PHLDB2: variants seen among roughly 807,000 people sequenced by gnomAD.
PHLDB2 encodes pleckstrin homology-like domain family B member 2.
A neutral mutation model predicts 123.6 loss-of-function variants in PHLDB2; 71 were observed. The observed-to-expected ratio is 0.57, with a 90% CI of 0.47 to 0.70. The LOEUF is 0.70. PHLDB2 is among the 30% of genes least tolerant of loss of function. The probability of loss-of-function intolerance (pLI) is 0.00; values close to 1 mark genes in which losing one functional copy is unlikely to be tolerated. For missense variants in PHLDB2, 1,446 were observed against 1,519.5 expected (o/e 0.95, Z 0.80); for synonymous variants, 547 against 541.6 (o/e 1.01, Z -0.14).
At position 111,884,132 on chromosome 3, in the gene PHLDB2, G is replaced by A. The variant is rs565987391; in HGVS notation, c.55G>A (p.Glu19Lys). ...KELDLQNGSL[E>K]EDSVVHSVEN... ...GCTAGATTTACAAAATGGTAGCTTAGAGGAAGACTCTGTGGTGCATTCTGT... is the reference window on the plus strand; with the variant it reads ...GCTAGATTTACAAAATGGTAGCTTAAAGGAAGACTCTGTGGTGCATTCTGT... Residue 19 changes from glutamate to lysine, a missense_variant, in exon 2 of 18, where the codon GAG (glutamate) becomes AAG (lysine). By Grantham distance (56) the Glu-to-Lys change is moderately conservative. Coordinates refer to ENST00000431670, the MANE Select transcript of PHLDB2 (RefSeq NM_001134438.2). The A allele has an allele frequency of 1.9e-6, 3 of 1,614,138 alleles. No homozygotes were observed. The highest frequency in any genetic ancestry group is 2.5e-6 in the Non-Finnish European group (3 of 1,179,972).
At chr3:111,733,854 G>C (rs952187749) in intron 1 of PHLDB2, among the ~76,000 whole-genome samples, 5 of 152,172 alleles carry the variant, frequency 3.3e-5, no homozygotes, top group Non-Finnish European at 7.3e-5. Context: ...CTGTGCAGTG[G>C]TTCCTGGCTC....
chr3:111,847,394 G>A (rs2064044034), intron 2 of PHLDB2, among the ~76,000 whole-genome samples: 1 of 151,936 alleles, frequency 6.6e-6, no homozygotes, highest in Non-Finnish European at 1.5e-5. Context: ...GAGATTAGGG[G>A]AAAAAAAGAC....
intron 12 of PHLDB2, among the ~76,000 whole-genome samples, chr3:111,960,466 A>G (rs1205161097): frequency 7.9e-5 from 12 of 152,252 alleles, no homozygotes; most frequent in Non-Finnish European, 1.6e-4. Flanking sequence ...TCACTTAAAT[A>G]TCTAAAACCA....
At chr3:111,762,494 C>T (rs1049781878) in intron 1 of PHLDB2, among the ~76,000 whole-genome samples, 6 of 152,290 alleles carry the variant, frequency 3.9e-5, no homozygotes, top group East Asian at 3.9e-4. Context: ...TCCTAGGGAG[C>T]GCTCTGAAGT....
chr3:111,762,359 ATAT>A (rs553086572), intron 1 of PHLDB2, among the ~76,000 whole-genome samples: 48 of 123,296 alleles, frequency 3.9e-4, no homozygotes, highest in East Asian at 2.3e-3. Context: ...TAGCATTACC[ATAT>A]TATTATTATA....
intron 1 of PHLDB2, among the ~76,000 whole-genome samples, chr3:111,795,347 G>A (rs1182509796): frequency 2.0e-5 from 3 of 152,034 alleles, no homozygotes; most frequent in East Asian, 1.9e-4. Flanking sequence ...AATTTCAGTC[G>A]TCACCAAAGT....
intron 5 of PHLDB2, among the ~76,000 whole-genome samples, chr3:111,930,078 ATT>A (rs757234108): frequency 2.1e-5 from 3 of 140,730 alleles, no homozygotes; most frequent in African/African-American, 2.6e-5. Context: ...TGCCCAGCTA[ATT>A]TTTTTTTTTT....
At chr3:111,802,622 T>C (rs1030416164) in intron 1 of PHLDB2, among the ~76,000 whole-genome samples, 1 of 152,196 alleles carries the variant, frequency 6.6e-6, no homozygotes, top group Non-Finnish European at 1.5e-5. Context: ...ATTTAGCAAA[T>C]AGTAAAATAA....
intron 1 of PHLDB2, among the ~76,000 whole-genome samples, chr3:111,750,860 C>T (rs1404146543): frequency 6.6e-6 from 1 of 151,098 alleles, no homozygotes; most frequent in Non-Finnish European, 1.5e-5. Context: ...GCATGAGAAT[C>T]ACTTGAACCT....
At chr3:111,752,508 T>A (rs1359388197) in intron 1 of PHLDB2, among the ~76,000 whole-genome samples, 1 of 151,984 alleles carries the variant, frequency 6.6e-6, no homozygotes, top group Non-Finnish European at 1.5e-5. Context: ...TTTCATTCGC[T>A]TATTTTCTAA....
At chr3:111,852,208 A>G (rs2064285404) in intron 2 of PHLDB2, among the ~76,000 whole-genome samples, 1 of 151,438 alleles carries the variant, frequency 6.6e-6, no homozygotes, top group African/African-American at 2.4e-5. Flanking sequence ...AAGTCTGTGT[A>G]TATCTGACAC....
intron 16 of PHLDB2, among the ~76,000 whole-genome samples, chr3:111,972,181 C>A (rs1170746225): frequency 6.6e-6 from 1 of 152,112 alleles, no homozygotes; most frequent in Non-Finnish European, 1.5e-5. Flanking sequence ...ATTGTATTCT[C>A]ATGAATTACT....
In PHLDB2 at chr3:111,914,867, T is replaced by TTTTTTC. The variant is rs977699291; in HGVS notation, c.1719+1177_1719+1182dup. 1.1e-4 allele frequency: 17 copies of TTTTTTC among 152,242 alleles called. No homozygotes were observed. The East Asian group carries it at 3.1e-3, about 28-fold the overall frequency. The allele number at this position is 152,242 out of a possible 1,614,324, so 9.4% of individuals were successfully genotyped here. ...GTTTAAGGAAAAATCTTTTAAATTT[T>TTTTTTC]TTTTTCTTTTTCTTTTTGTACAGGA... On this transcript the variant is annotated intron_variant, in intron 3 of 17. Coordinates refer to ENST00000431670, the MANE Select transcript of PHLDB2 (RefSeq NM_001134438.2).
At chr3:111,935,540 T>TAGATAGATAGAA (rs1180164796) in intron 6 of PHLDB2, among the ~76,000 whole-genome samples, 1 of 148,698 alleles carries the variant, frequency 6.7e-6, no homozygotes, top group East Asian at 1.9e-4. Context: ...GATAGATAGA[T>TAGATAGATAGAA]AGAAGGGGAG....
chr3:111,751,501 T>C (rs1477343186), intron 1 of PHLDB2, among the ~76,000 whole-genome samples: 2 of 151,966 alleles, frequency 1.3e-5, no homozygotes, highest in Non-Finnish European at 2.9e-5. Context: ...CAGAGTCAAA[T>C]CCCTCAGTGC....
intron 1 of PHLDB2, among the ~76,000 whole-genome samples, chr3:111,817,491 C>A (rs1034244948): frequency 6.6e-6 from 1 of 152,190 alleles, no homozygotes; most frequent in African/African-American, 2.4e-5. Context: ...AGAAGAAAAT[C>A]ATTAGAAAGG....
intron 1 of PHLDB2, among the ~76,000 whole-genome samples, chr3:111,756,026 A>T (rs950621684): frequency 6.6e-6 from 1 of 151,996 alleles, no homozygotes; most frequent in African/African-American, 2.4e-5. Flanking sequence ...ACAGTTTGTT[A>T]TAATTTCTGT....
At chr3:111,888,530 C>A (rs902353272) in intron 2 of PHLDB2, among the ~76,000 whole-genome samples, 2 of 152,092 alleles carry the variant, frequency 1.3e-5, no homozygotes, top group Admixed American at 1.3e-4. Flanking sequence ...AAGCTCAAAT[C>A]ATTCAAAAAT....
At chr3:111,951,748 G>C (rs571301829) in intron 10 of PHLDB2, among the ~76,000 whole-genome samples, 1 of 151,880 alleles carries the variant, frequency 6.6e-6, no homozygotes, top group Non-Finnish European at 1.5e-5. Context: ...GCTCATTTTT[G>C]TGTTTTTTCT....
Sources: allele counts gnomAD v4.1 joint callset (sites outside exome capture counted in the v4.1 genomes callset), GRCh38; gene constraint gnomAD v4.1.1; transcripts MANE v1.5; gene names NCBI Gene and HGNC (gene_info 2026-07-23, HGNC 2026-07-21).